Variants in VILL observed in about 807,000 individuals in gnomAD.
The protein encoded by VILL is villin-like protein.
Under a neutral mutation model 106.3 loss-of-function variants are expected in VILL, and 102 were observed. The ratio of observed to expected loss-of-function variants is 0.96; its 90% CI spans 0.82 to 1.13. The LOEUF (loss-of-function observed/expected upper bound fraction) is 1.13, where lower values mean the gene tolerates loss of function less well. Ranked by LOEUF, VILL falls within the 50% of genes most tolerant of loss-of-function variation. VILL has a pLI of 0.00. For synonymous variants in VILL, 431 were observed against 440.3 expected (o/e 0.98, Z 0.27); for missense variants, 1,076 against 1,116.6 (o/e 0.96, Z 0.52).
rs766720664 is a variant in VILL at position 37,993,917 on chromosome 3, T to C, written c.80T>C (p.Val27Ala). Residue 27 changes from valine to alanine, a missense_variant, in exon 3 of 20, where the codon GTA (valine) becomes GCA (alanine). Transcript: ENST00000383759. ...TCCCAGAACCGGAAGATGGTGCCGG[T>C]ACCCGAGGGGGCTTACGGGAACTTT... ...WISENRKMVP[V>A]PEGAYGNFFE... is the part of the protein sequence containing the mutation. 31 of 1,614,082 alleles carry C rather than the reference T, an allele frequency of 1.9e-5. No homozygotes were observed. The South Asian group carries it at 3.4e-4, about 18-fold the overall frequency.
chr3:38,002,223 G>T, intron 13 of VILL, 173 bp from the exon 14 acceptor site: 1 of 654,322 alleles, frequency 1.5e-6, no homozygotes. Flanking sequence ...CAGACTGATG[G>T]GATTCCTGCA....
rs887355518 is a variant in VILL, at chr3:37,993,616, G to A, written c.-57G>A. 16 of 1,578,866 alleles carry A rather than the reference G, an allele frequency of 1.0e-5. No homozygotes were observed. Among genetic ancestry groups the A allele is most frequent in the Non-Finnish European group, 1.2e-5 (14 of 1,152,764 alleles). On this transcript the variant is annotated 5_prime_UTR_variant, in exon 2 of 20. Transcript: ENST00000383759. Reference sequence around the variant, plus strand: ...ACAGGTAGCCAGGTGTCGGTCTCCAGCCTGAGAACTCTGGCTGTTGTTCCT... The same window carrying A: ...ACAGGTAGCCAGGTGTCGGTCTCCAACCTGAGAACTCTGGCTGTTGTTCCT...
At chr3:38,000,321 G>A (rs774696971) in intron 11 of VILL, among the ~76,000 whole-genome samples, 2 of 152,030 alleles carry the variant, frequency 1.3e-5, no homozygotes, top group Non-Finnish European at 2.9e-5. Context: ...GGAAGAAGGG[G>A]GAGACAGGGA....
chr3:37,998,511 G>A lies in VILL; in HGVS notation c.942+147G>A. 1.3e-6 allele frequency: 1 copy of A among 758,556 alleles called. No individual in the cohort carries two copies. 47.0% of individuals were successfully genotyped at this position (758,556 alleles called of 1,614,324 possible). A position where few individuals can be genotyped will look rare whatever the true frequency, so the allele number is the denominator to read the frequency against. On this transcript the variant is annotated intron_variant, in intron 9 of 19. Transcript: ENST00000383759. This position sits in a 1 kb window ranked among gnomAD's most constrained non-coding sequence, Gnocchi z 4.1. Reference sequence around the variant, plus strand: ...TCCTATGCTGGAGTCTTAAAGGGGAGGTAGCCCTGCCCTGGGAGCCCTGAG... The same window carrying A: ...TCCTATGCTGGAGTCTTAAAGGGGAAGTAGCCCTGCCCTGGGAGCCCTGAG...
In VILL at chr3:37,997,085, C is replaced by G; in HGVS notation, c.459C>G (p.Leu153=). The G allele has an allele frequency of 6.2e-7, 1 of 1,613,992 alleles. No individual in the cohort carries two copies. Among genetic ancestry groups the G allele is most frequent in the Non-Finnish European group, 8.5e-7 (1 of 1,179,936 alleles). Residue 153 remains leucine (L), a synonymous_variant, in exon 6 of 20, where the codon CTC becomes CTG. Transcript: ENST00000383759. The surrounding 1 kb of genome is among the most constrained non-coding windows in gnomAD (Gnocchi z 4.7). ...RKHVSATEVE[L]SWNSFNKGDI... is the part of the protein sequence containing the mutation. ...CTCCCTGGCTCTGGCAGGTGGAGCT[C>G]TCCTGGAACAGCTTTAATAAGGGTG...
Position 37,995,862 on chromosome 3 carries a change from G to A in VILL, c.450+15G>A, listed in dbSNP as rs759068055. The A allele has an allele frequency of 4.3e-6, 7 of 1,609,718 alleles. No homozygotes were observed. In the South Asian group the frequency reaches 7.7e-5, roughly 18 times the overall value. ...CTGCCACTGAGGTGAGGCTGCCAGGGGAGCCTCTTGACCTCTGAACTCGGC... is the reference window on the plus strand; with the variant it reads ...CTGCCACTGAGGTGAGGCTGCCAGGAGAGCCTCTTGACCTCTGAACTCGGC... On this transcript the variant is annotated intron_variant, in intron 5 of 19. Coordinates refer to ENST00000383759, the MANE Select transcript of VILL (RefSeq NM_015873.4).
At position 38,001,719 on chromosome 3, in the gene VILL, G is replaced by A. The variant is rs1050325842; in HGVS notation, c.1338G>A (p.Ala446=). ...ACCTGCAGGGCCACCAGGCCACTGC[G>A]GATGAGATTGAGGCCCTGAACAGCA... ...LYLWQGHQAT[A]DEIEALNSNA... The change falls in exon 13 of 20, where the codon GCG becomes GCA. Residue 446 remains alanine, a synonymous_variant. Transcript: ENST00000383759. 7.4e-6 allele frequency: 12 copies of A among 1,614,208 alleles called. No homozygotes were observed. Among genetic ancestry groups the A allele is most frequent in the East Asian group, 6.7e-5 (3 of 44,882 alleles).
chr3:38,006,586 C>G lies in VILL; in HGVS notation c.2343C>G (p.Thr781=). 6.2e-7 allele frequency: 1 copy of G among 1,614,130 alleles called. No individual in the cohort carries two copies. Among genetic ancestry groups the G allele is most frequent in the Non-Finnish European group, 8.5e-7 (1 of 1,180,038 alleles). Residue 781 remains threonine, a synonymous_variant, in exon 19 of 20, where the codon ACC becomes ACG. Transcript: ENST00000383759. ...VRSPKSAGSR[T]SSSVSSTSAT... ...GCCCCAAGTCGGCTGGCAGCAGAAC[C>G]AGCAGCTCCGTCAGCAGCACCAGCG...
At position 37,999,536 on chromosome 3, in the gene VILL, G is replaced by A; in HGVS notation, c.1182+97G>A. 7.7e-6 allele frequency: 7 copies of A among 910,750 alleles called. 1 individual carries two copies. In the South Asian group the frequency reaches 8.8e-5, roughly 11 times the overall value. The allele number at this position is 910,750 out of a possible 1,614,324, so 56.4% of individuals were successfully genotyped here. On this transcript the variant is annotated intron_variant, in intron 11 of 19. Coordinates refer to ENST00000383759, the MANE Select transcript of VILL (RefSeq NM_015873.4). ...GACTGCTATCTAAAGTGACCCAGGTGCACATCCACACACAATCAGGGACAC... is the reference window on the plus strand; with the variant it reads ...GACTGCTATCTAAAGTGACCCAGGTACACATCCACACACAATCAGGGACAC...
At position 37,998,429 on chromosome 3, in the gene VILL, CT is replaced by C. The variant is rs1394269850; in HGVS notation, c.942+66del. The C allele has an allele frequency of 6.8e-7, 1 of 1,467,652 alleles. No individual in the cohort carries two copies. Among genetic ancestry groups the C allele is most frequent in the Non-Finnish European group, 9.5e-7 (1 of 1,052,188 alleles). 90.9% of individuals were successfully genotyped at this position (1,467,652 alleles called of 1,614,324 possible). A position where few individuals can be genotyped will look rare whatever the true frequency, so the allele number is the denominator to read the frequency against. ...CCCTGGGGTCTGAGTGGGGAGGCAGCTCCGCCCCAGGGTCTAAGGGAGGAAT... is the reference window on the plus strand; with the variant it reads ...CCCTGGGGTCTGAGTGGGGAGGCAGCCCGCCCCAGGGTCTAAGGGAGGAAT... On this transcript the variant is annotated intron_variant, in intron 9 of 19. Coordinates refer to ENST00000383759, the MANE Select transcript of VILL (RefSeq NM_015873.4). This position sits in a 1 kb window ranked among gnomAD's most constrained non-coding sequence, Gnocchi z 4.1.
Position 38,002,523 on chromosome 3 carries a change from G to C in VILL, c.1607G>C (p.Ser536Thr), listed in dbSNP as rs557333548. 1 of 1,614,200 alleles carries C rather than the reference G, an allele frequency of 6.2e-7. No homozygotes were observed. The stretch of plus-strand genomic sequence containing the variant: ...GCCCGTGCCTCATCCCTCAACTCCA[G>C]TGACATCTTCTTGCTGGTCACAGCC... ...VPARASSLNS[S>T]DIFLLVTASV... The change falls in exon 14 of 20, where the codon AGT (serine) becomes ACT (threonine). Residue 536 changes from serine to threonine, a missense_variant. Physicochemically the swap from Ser to Thr is moderately conservative, Grantham distance 58 (BLOSUM62 1). Transcript: ENST00000383759.
chr3:37,994,465 A>C lies in VILL; in HGVS notation c.340A>C (p.Ile114Leu). 2 of 1,612,042 alleles carry C rather than the reference A, an allele frequency of 1.2e-6. No individual in the cohort carries two copies. The highest frequency in any genetic ancestry group is 1.7e-6 in the Non-Finnish European group (2 of 1,179,682). The change falls in exon 4 of 20, where the codon ATC becomes CTC. Residue 114 changes from isoleucine (I) to leucine (L), a missense_variant and splice_region_variant. Ile to Leu is a conservative substitution (Grantham distance 5). Coordinates refer to ENST00000383759, the MANE Select transcript of VILL (RefSeq NM_015873.4). ...CFCSYFRPGI[I>L]YRKGGLASDL... ...CTGCAGCTACTTCCGCCCGGGAATC[A>C]TGTGAGTGCGGGGGCGACCGGGGCA... is the stretch of plus-strand genomic sequence containing the variant.
rs951920039 is a variant in VILL, at chr3:37,999,280, C to T, written c.1082-59C>T. On this transcript the variant is annotated intron_variant, in intron 10 of 19. Transcript: ENST00000383759. ...AGGGATGGTTGAGGAGTGGGCGGGG[C>T]GGAGATGGTGTTGGGGGGGGGCAGA... The T allele has an allele frequency of 4.3e-5, 42 of 985,974 alleles. 1 individual carries two copies. The highest frequency in any genetic ancestry group is 1.6e-4 in the Admixed American group (3 of 18,720). The allele number at this position is 985,974 out of a possible 1,614,324, so 61.1% of individuals were successfully genotyped here.
Position 37,998,968 on chromosome 3 carries a change from C to G in VILL, c.999C>G (p.Asp333Glu). The G allele has an allele frequency of 6.2e-7, 1 of 1,609,892 alleles. No homozygotes were observed. The highest frequency in any genetic ancestry group is 1.1e-5 in the South Asian group (1 of 90,968). The part of the protein sequence containing the change: ...PTYTNVEVVN[D>E]GAESAAFKQL... The stretch of plus-strand genomic sequence containing the variant: ...ACACCAACGTGGAGGTGGTGAACGA[C>G]GGCGCCGAGTCGGCCGCGTTCAAGC... Residue 333 changes from aspartate (D) to glutamate (E), a missense_variant, in exon 10 of 20, where the codon GAC becomes GAG. By Grantham distance (45) the Asp-to-Glu change is conservative. Coordinates refer to ENST00000383759, the MANE Select transcript of VILL (RefSeq NM_015873.4). The surrounding 1 kb of genome is among the most constrained non-coding windows in gnomAD (Gnocchi z 4.1).
Position 37,997,733 on chromosome 3 carries a change from C to G in VILL, c.764+48C>G. ...GGGGTGGGTGGGACAGTCCAGGACT[C>G]TGTGTCCATCACTACTGCAATAACA... On this transcript the variant is annotated intron_variant, in intron 7 of 19. Transcript: ENST00000383759. This position sits in a 1 kb window ranked among gnomAD's most constrained non-coding sequence, Gnocchi z 4.7. 10 of 1,564,432 alleles carry G rather than the reference C, an allele frequency of 6.4e-6. No individual in the cohort carries two copies. Among genetic ancestry groups the G allele is most frequent in the Non-Finnish European group, 8.7e-6 (10 of 1,153,580 alleles).
rs985107000 is a variant in VILL at position 38,002,037 on chromosome 3, C to T, written c.1479+177C>T. 25 of 1,003,002 alleles carry T rather than the reference C, an allele frequency of 2.5e-5. No individual in the cohort carries two copies. In the East Asian group the frequency reaches 2.9e-4, roughly 12 times the overall value. 62.1% of individuals were successfully genotyped at this position (1,003,002 alleles called of 1,614,324 possible). A position where few individuals can be genotyped will look rare whatever the true frequency, so the allele number is the denominator to read the frequency against. On this transcript the variant is annotated intron_variant, in intron 13 of 19. Coordinates refer to ENST00000383759, the MANE Select transcript of VILL (RefSeq NM_015873.4). ...AGGTTGGCCCCCTGCCTGAGTTTCCCTCCCCAGTCCCAGAGCCAGATGAGG... is the reference window on the plus strand; with the variant it reads ...AGGTTGGCCCCCTGCCTGAGTTTCCTTCCCCAGTCCCAGAGCCAGATGAGG...
At position 37,995,803 on chromosome 3, in the gene VILL, C is replaced by G. The variant is rs369355921; in HGVS notation, c.406C>G (p.Arg136Gly). ...HVETNLFNIQRLLHIKGRKHV... is the reference protein window; with the variant it reads ...HVETNLFNIQGLLHIKGRKHV... ...GGAGACCAACTTGTTCAACATCCAG[C>G]GACTGCTGCACATCAAAGGGAGGAA... The change falls in exon 5 of 20, where the codon CGA becomes GGA. Residue 136 changes from arginine (R) to glycine (G), a missense_variant. Transcript: ENST00000383759. 1 of 1,613,846 alleles carries G rather than the reference C, an allele frequency of 6.2e-7. No homozygotes were observed. Among genetic ancestry groups the G allele is most frequent in the African/African-American group, 1.3e-5 (1 of 75,032 alleles).
chr3:38,002,777 G>A, intron 14 of VILL: 1 of 648,216 alleles, frequency 1.5e-6, no homozygotes, highest in Middle Eastern at 4.0e-4. Flanking sequence ...GAGTCCGCAG[G>A]TCAGAGCCAG....
rs1699729106 is a variant in VILL, at chr3:37,997,641, C to G, written c.720C>G (p.Ser240Arg). The change falls in exon 7 of 20, where the codon AGC (serine) becomes AGG (arginine). Residue 240 changes from serine to arginine, a missense_variant. Ser to Arg is a moderately radical substitution (Grantham distance 110). Transcript: ENST00000383759. The surrounding 1 kb of genome is among the most constrained non-coding windows in gnomAD (Gnocchi z 4.7). ...RVGSLRAATPSKDINQLQKAN... is the reference protein window; with the variant it reads ...RVGSLRAATPRKDINQLQKAN... Reference sequence around the variant, plus strand: ...GCAGCCTGCGTGCCGCCACGCCCAGCAAGGATATCAACCAGCTGCAGAAGG... The same window carrying G: ...GCAGCCTGCGTGCCGCCACGCCCAGGAAGGATATCAACCAGCTGCAGAAGG... 6 of 1,393,748 alleles carry G rather than the reference C, an allele frequency of 4.3e-6. No individual in the cohort carries two copies. Among genetic ancestry groups the G allele is most frequent in the Non-Finnish European group, 5.8e-6 (6 of 1,042,218 alleles). The allele number at this position is 1,393,748 out of a possible 1,614,324, so 86.3% of individuals were successfully genotyped here. A position where few individuals can be genotyped will look rare whatever the true frequency, so the allele number is the denominator to read the frequency against.
Sources: gnomAD v4.1 joint callset for allele counts (sites outside exome capture counted in the v4.1 genomes callset) on GRCh38, gnomAD v4.1.1 for gene constraint, Gnocchi (gnomAD v3.1) non-coding constraint, MANE v1.5 for transcripts, NCBI Gene and HGNC (gene_info 2026-07-23, HGNC 2026-07-21) for gene names.